Variants in DBT observed in about 807,000 individuals in gnomAD.
DBT encodes the protein lipoamide acyltransferase component of branched-chain alpha-keto acid dehydrogenase complex, mitochondrial.
Under a neutral mutation model 51.3 loss-of-function variants are expected in DBT, and 40 were observed. That is an observed-to-expected ratio of 0.78 (90% confidence interval 0.61 to 1.02). The LOEUF is 1.02. Ranked by LOEUF, DBT falls within the 50% of genes least tolerant of loss-of-function variation. DBT has a pLI of 0.00. For missense variants in DBT, 510 were observed against 580.2 expected (o/e 0.88, Z 1.24); for synonymous variants, 181 against 190.4 (o/e 0.95, Z 0.41).
chr1:100,218,765 CTT>C lies in DBT; in HGVS notation c.434-20_434-19del, dbSNP rs750746525. ...TTCTGAATCTGGTAACAAGGTAAAA[CTT>C]AACTTCAGTTGAAAAAAAATTTTTT... On this transcript the variant is annotated intron_variant, in intron 4 of 10. Transcript: ENST00000370132. The C allele has an allele frequency of 5.0e-6, 8 of 1,611,932 alleles. No homozygotes were observed. In the Admixed American group the frequency reaches 1.3e-4, roughly 27 times the overall value.
intron 8 of DBT, among the ~76,000 whole-genome samples, chr1:100,210,206 G>T (rs1025684080): frequency 2.0e-5 from 3 of 151,556 alleles, no homozygotes; most frequent in Admixed American, 1.3e-4. Context: ...AGCTACACAG[G>T]AGGCTGGGGC....
At chr1:100,239,398 C>A (rs2098207460) in intron 2 of DBT, among the ~76,000 whole-genome samples, 1 of 151,982 alleles carries the variant, frequency 6.6e-6, no homozygotes, top group African/African-American at 2.4e-5. Context: ...AAAAAAAGAT[C>A]AACTTTAAAA....
chr1:100,235,830 G>A (rs1447199586), intron 2 of DBT, among the ~76,000 whole-genome samples: 2 of 152,130 alleles, frequency 1.3e-5, no homozygotes, highest in Admixed American at 6.6e-5. Flanking sequence ...GTAATGAATA[G>A]AAAATAGAAC....
chr1:100,228,994 A>T (rs573290419), intron 4 of DBT, among the ~76,000 whole-genome samples: 1 of 152,144 alleles, frequency 6.6e-6, no homozygotes, highest in African/African-American at 2.4e-5. Flanking sequence ...ACTTTCTGCA[A>T]TGCACCCCTC....
intron 7 of DBT, chr1:100,213,260 CCGCCG>C: frequency 7.6e-7 from 1 of 1,308,000 alleles, no homozygotes; most frequent in South Asian, 1.9e-5. Flanking sequence ...CGCCGCGTCC[CCGCCG>C]GGGCCGACAG....
At chr1:100,246,300 A>T (rs1664538648) in intron 1 of DBT, among the ~76,000 whole-genome samples, 1 of 152,194 alleles carries the variant, frequency 6.6e-6, no homozygotes. Context: ...TATCACAACC[A>T]GGACAGAAGA....
At chr1:100,237,942 A>G (rs1663979823) in intron 2 of DBT, among the ~76,000 whole-genome samples, 1 of 152,204 alleles carries the variant, frequency 6.6e-6, no homozygotes, top group Non-Finnish European at 1.5e-5. Context: ...TGCCCAGCAC[A>G]GAAGTATGTG....
chr1:100,239,851 C>CAAAA lies in DBT; in HGVS notation c.175+906_175+909dup, dbSNP rs56661922. Among the ~76,000 whole-genome samples, 181 of 111,112 alleles carry CAAAA rather than the reference C, an allele frequency of 1.6e-3. 2 individuals carry two copies. Among genetic ancestry groups the CAAAA allele is most frequent in the African/African-American group, 3.5e-3 (92 of 26,114 alleles). The allele number at this position is 111,112 out of a possible 152,430, so 72.9% of individuals were successfully genotyped here. A position where few individuals can be genotyped will look rare whatever the true frequency, so the allele number is the denominator to read the frequency against. The stretch of plus-strand genomic sequence containing the variant: ...GCACTCCAGCCTGAGCAACAGAGCT[C>CAAAA]AAAAAAAAAAAAAAAAAAAAAAAAA... On this transcript the variant is annotated intron_variant, in intron 2 of 10. Transcript: ENST00000370132.
intron 1 of DBT, chr1:100,249,211 T>C (rs1664758762): frequency 2.5e-6 from 1 of 407,342 alleles, no homozygotes; most frequent in Non-Finnish European, 3.4e-6. Flanking sequence ...GCAGGGGAGA[T>C]GGTGATGGGT....
chr1:100,206,072 T>TAA (rs35150096), intron 10 of DBT, among the ~76,000 whole-genome samples, 158 bp downstream of exon 10: 2 of 124,856 alleles, frequency 1.6e-5, no homozygotes, highest in African/African-American at 3.1e-5. Flanking sequence ...AACTTAAAGT[T>TAA]AAAAAAAAAA....
chr1:100,210,813 TAGAA>T, intron 7 of DBT, 42 bp from the exon 8 acceptor site: 2 of 1,606,002 alleles, frequency 1.2e-6, no homozygotes, highest in Non-Finnish European at 1.7e-6. Flanking sequence ...ACTTTTAACT[TAGAA>T]AGGATAGAGA....
intron 4 of DBT, among the ~76,000 whole-genome samples, chr1:100,219,873 G>A (rs901431708): frequency 9.2e-5 from 14 of 152,136 alleles, no homozygotes; most frequent in African/African-American, 3.1e-4. Flanking sequence ...GGCTGGGCAT[G>A]GTTGCTCACA....
chr1:100,226,482 G>A (rs1027033791), intron 4 of DBT, among the ~76,000 whole-genome samples: 5 of 151,658 alleles, frequency 3.3e-5, no homozygotes, highest in African/African-American at 7.3e-5. Flanking sequence ...ATGGGGTCTC[G>A]TTATGTTGCC....
intron 10 of DBT, chr1:100,196,783 A>G: frequency 4.5e-6 from 1 of 223,368 alleles, no homozygotes; most frequent in Non-Finnish European, 8.9e-6. Flanking sequence ...ACAATTAAAT[A>G]AGGCTTCCTC....
chr1:100,237,895 C>G (rs1433126046), intron 2 of DBT, among the ~76,000 whole-genome samples: 2 of 152,180 alleles, frequency 1.3e-5, no homozygotes, highest in Non-Finnish European at 2.9e-5. Context: ...CCTGCCTCAG[C>G]TTCCCAAAGT....
At chr1:100,243,081 C>T (rs1664315776) in intron 1 of DBT, among the ~76,000 whole-genome samples, 2 of 151,664 alleles carry the variant, frequency 1.3e-5, no homozygotes, top group African/African-American at 4.8e-5. Flanking sequence ...GCCTGGTCAA[C>T]ATGACGAGAC....
Position 100,207,137 on chromosome 1 carries a change from C to T in DBT, c.1018-501G>A, listed in dbSNP as rs190737834. On this transcript the variant is annotated intron_variant, in intron 8 of 10. Coordinates refer to ENST00000370132, the MANE Select transcript of DBT (RefSeq NM_001918.5). ...TAGGCAATAGGCTATTTCCCAACAT[C>T]GTTAGTGGGAATGTAACTGGTACAG... Among the ~76,000 whole-genome samples, 330 of 152,260 alleles carry T rather than the reference C, an allele frequency of 2.2e-3. 4 individuals are homozygous for T. Among genetic ancestry groups the T allele is most frequent in the African/African-American group, 7.7e-3 (321 of 41,556 alleles).
At chr1:100,202,409 G>A (rs1047445091) in intron 10 of DBT, among the ~76,000 whole-genome samples, 1 of 152,152 alleles carries the variant, frequency 6.6e-6, no homozygotes, top group Non-Finnish European at 1.5e-5. Context: ...GATTCATAAA[G>A]CAAGTTCTTA....
rs537914267 is a variant in DBT at position 100,213,321 on chromosome 1, G to A, written c.939+1496C>T. On this transcript the variant is annotated intron_variant, in intron 7 of 10. Transcript: ENST00000370132. ...GACCACAAGACTCTGCTGCAGGAGC[G>A]GCCGCCCGCCTACAACCTGGAGGCC... 5,134 of 1,499,048 alleles carry A rather than the reference G, an allele frequency of 3.4e-3. 22 individuals are homozygous for A. The highest frequency in any genetic ancestry group is 4.1e-3 in the Non-Finnish European group (4,618 of 1,127,682). 92.9% of individuals were successfully genotyped at this position (1,499,048 alleles called of 1,614,324 possible). A position where few individuals can be genotyped will look rare whatever the true frequency, so the allele number is the denominator to read the frequency against.
Sources: allele counts gnomAD v4.1 joint callset (sites outside exome capture counted in the v4.1 genomes callset), GRCh38; gene constraint gnomAD v4.1.1; transcripts MANE v1.5; gene names NCBI Gene and HGNC (gene_info 2026-07-23, HGNC 2026-07-21).